GRID1: variants seen among roughly 807,000 people sequenced by gnomAD.
GRID1 encodes glutamate ionotropic receptor delta type subunit 1.
In GRID1, 28 loss-of-function variants were observed where a neutral mutation model predicts 98.0. The ratio of observed to expected loss-of-function variants is 0.29; its 90% CI spans 0.21 to 0.39. GRID1 has a LOEUF of 0.39. Ranked by LOEUF, GRID1 falls within the 10% of genes least tolerant of loss-of-function variation. The pLI is 1.00. For missense variants in GRID1, 1,111 were observed against 1,340.5 expected, an observed-to-expected ratio of 0.83 and a Z score of 2.67; for synonymous variants, 553 against 538.5, an observed-to-expected ratio of 1.03 and a Z score of -0.37.
chr10:86,004,922 T>C (rs1170787721), intron 4 of GRID1, among the ~76,000 whole-genome samples: 3 of 152,204 alleles, frequency 2.0e-5, no homozygotes. Context: ...CATAAACTAC[T>C]GTAACATCAC....
chr10:86,109,413 C>A (rs1212942604), intron 4 of GRID1, among the ~76,000 whole-genome samples: 1 of 152,228 alleles, frequency 6.6e-6, no homozygotes, highest in Non-Finnish European at 1.5e-5. Flanking sequence ...TGTTAATGGG[C>A]TCTAGGAATT....
chr10:85,784,626 G>A (rs1159295477), intron 8 of GRID1, among the ~76,000 whole-genome samples: 1 of 152,210 alleles, frequency 6.6e-6, no homozygotes, highest in African/African-American at 2.4e-5. Context: ...AGCATGGACT[G>A]CAGACAACCG....
chr10:86,188,889 C>T (rs1391207978), intron 3 of GRID1, among the ~76,000 whole-genome samples: 1 of 152,150 alleles, frequency 6.6e-6, no homozygotes, highest in Non-Finnish European at 1.5e-5. Flanking sequence ...ATAAGTTGAG[C>T]CCAGTTCTGG....
At chr10:85,875,821 T>C (rs142592120) in intron 5 of GRID1, among the ~76,000 whole-genome samples, 2 of 152,372 alleles carry the variant, frequency 1.3e-5, no homozygotes, top group East Asian at 3.9e-4. Flanking sequence ...ACATTATTTC[T>C]ATTGTTTGAT....
intron 4 of GRID1, among the ~76,000 whole-genome samples, chr10:85,925,162 G>A (rs1841757777): frequency 6.6e-6 from 1 of 152,188 alleles, no homozygotes. Flanking sequence ...TTAATCAATG[G>A]TCCATAATTT....
At chr10:85,944,845 C>T (rs750874130) in intron 4 of GRID1, among the ~76,000 whole-genome samples, 3 of 151,420 alleles carry the variant, frequency 2.0e-5, no homozygotes, top group African/African-American at 7.3e-5. Context: ...TAAGTTACAA[C>T]GTAACGGATA....
chr10:86,210,897 A>C (rs1846098365), intron 2 of GRID1, among the ~76,000 whole-genome samples: 1 of 152,250 alleles, frequency 6.6e-6, no homozygotes, highest in Non-Finnish European at 1.5e-5. Context: ...GGGATGTTAC[A>C]CAATGCATGC....
rs143441569 is a variant in GRID1 at position 85,746,266 on chromosome 10, G to A, written c.1234-16652C>T. Among the ~76,000 whole-genome samples the A allele has an allele frequency of 2.8e-4, 43 of 152,248 alleles. No individual in the cohort carries two copies. The East Asian group carries it at 7.7e-3, about 27-fold the overall frequency. ...TGGGTCAATGGCCTAAATGGTACGA[G>A]TCTTTGGGGTCCTTTAGAGAGGGAG... On this transcript the variant is annotated intron_variant, in intron 8 of 15. Coordinates refer to ENST00000327946, the MANE Select transcript of GRID1 (RefSeq NM_017551.3).
intron 13 of GRID1, among the ~76,000 whole-genome samples, chr10:85,634,886 C>T (rs1282169917): frequency 6.6e-6 from 1 of 150,844 alleles, no homozygotes; most frequent in Admixed American, 6.6e-5. Flanking sequence ...AAACCCAAAG[C>T]AATAATATTC....
chr10:86,164,519 C>T (rs1256987199), intron 3 of GRID1, among the ~76,000 whole-genome samples: 1 of 152,210 alleles, frequency 6.6e-6, no homozygotes, highest in Non-Finnish European at 1.5e-5. Context: ...ACAGTCCCTG[C>T]CCTCACCCAG....
Position 86,210,087 on chromosome 10 carries a change from C to G in GRID1, c.236-3439G>C, listed in dbSNP as rs114946220. On this transcript the variant is annotated intron_variant, in intron 2 of 15. Coordinates refer to ENST00000327946, the MANE Select transcript of GRID1 (RefSeq NM_017551.3). ...CACTGAGGAGACAGACTCTGCAACT[C>G]AACTGGAGGAGAGAGAAAGGAAGCT... 3.2e-3 allele frequency among the ~76,000 whole-genome samples: 485 copies of G among 152,170 alleles called. 1 individual carries two copies. The highest frequency in any genetic ancestry group is 0.011 in the African/African-American group (471 of 41,520).
chr10:85,686,737 T>A (rs2132604680), intron 12 of GRID1, among the ~76,000 whole-genome samples: 1 of 152,170 alleles, frequency 6.6e-6, no homozygotes, highest in African/African-American at 2.4e-5. Flanking sequence ...TCCTATATTT[T>A]ATTTACAGAT....
rs900960644 is a variant in GRID1 at position 85,854,670 on chromosome 10, T to C, written c.1114-55A>G. 171 of 1,597,480 alleles carry C rather than the reference T, an allele frequency of 1.1e-4. 1 individual carries two copies. Among genetic ancestry groups the C allele is most frequent in the Middle Eastern group, 5.0e-4 (3 of 6,048 alleles). ...AATCTGGTTAAGGTAGAGGATGGAG[T>C]CCCAAAGGCTAAGAGGAGCAAGGAA... On this transcript the variant is annotated intron_variant, in intron 7 of 15. Coordinates refer to ENST00000327946, the MANE Select transcript of GRID1 (RefSeq NM_017551.3).
intron 4 of GRID1, among the ~76,000 whole-genome samples, chr10:86,126,555 C>T (rs569456479): frequency 6.6e-6 from 1 of 152,324 alleles, no homozygotes; most frequent in African/African-American, 2.4e-5. Context: ...GAAAGGAGAA[C>T]AGGGCTCGCT....
At chr10:85,979,970 T>A (rs1416782573) in intron 4 of GRID1, among the ~76,000 whole-genome samples, 2 of 152,238 alleles carry the variant, frequency 1.3e-5, no homozygotes, top group Non-Finnish European at 2.9e-5. Flanking sequence ...AGAATGAACT[T>A]TTCAACCAAA....
chr10:86,014,820 C>T (rs988175874), intron 4 of GRID1, among the ~76,000 whole-genome samples: 8 of 152,176 alleles, frequency 5.3e-5, no homozygotes, highest in African/African-American at 9.7e-5. Flanking sequence ...ACTCTGGCCA[C>T]GCTGGCCTCT....
intron 8 of GRID1, among the ~76,000 whole-genome samples, chr10:85,851,650 G>T (rs1040219649): frequency 3.9e-5 from 6 of 152,092 alleles, no homozygotes; most frequent in African/African-American, 1.4e-4. Context: ...AAACTGTTTT[G>T]TCTGTGTCTG....
intron 5 of GRID1, among the ~76,000 whole-genome samples, chr10:85,883,287 T>G (rs1202023096): frequency 6.6e-6 from 1 of 152,222 alleles, no homozygotes; most frequent in Non-Finnish European, 1.5e-5. Context: ...CTATTTTGCT[T>G]TTTAAATGCC....
intron 12 of GRID1, among the ~76,000 whole-genome samples, chr10:85,701,544 TCA>T (rs962836642): frequency 6.6e-6 from 1 of 152,140 alleles, no homozygotes; most frequent in African/African-American, 2.4e-5. Context: ...TAAATTTATA[TCA>T]CAGTCTCCAC....
Sources: allele counts gnomAD v4.1 joint callset (sites outside exome capture counted in the v4.1 genomes callset), GRCh38; gene constraint gnomAD v4.1.1; transcripts MANE v1.5; gene names NCBI Gene and HGNC (gene_info 2026-07-23, HGNC 2026-07-21).